The following RAB44 variants were observed in gnomAD, a reference collection of about 807,000 sequenced individuals.
RAB44 encodes ras-related protein Rab-44.
Under a neutral mutation model 93.3 loss-of-function variants are expected in RAB44, and 67 were observed. The ratio of observed to expected loss-of-function variants is 0.72; its 90% CI spans 0.59 to 0.88. The LOEUF (loss-of-function observed/expected upper bound fraction) is 0.88. Ranked by LOEUF, RAB44 falls within the 40% of genes least tolerant of loss-of-function variation. The pLI, the probability that RAB44 is intolerant of heterozygous loss-of-function variation, is 0.00. For missense variants in RAB44, 1,064 were observed against 1,261.7 expected (o/e 0.84, Z 2.37); for synonymous variants, 427 against 520.3 (o/e 0.82, Z 2.44).
At chr6:36,719,177 C>A (rs1328269320) in intron 7 of RAB44, among the ~76,000 whole-genome samples, 1 of 152,192 alleles carries the variant, frequency 6.6e-6, no homozygotes, top group Non-Finnish European at 1.5e-5. Context: ...CCTTTCTCAA[C>A]TTGAAGACCA....
At chr6:36,705,813 TACAA>T (rs1359603719) in intron 2 of RAB44, among the ~76,000 whole-genome samples, 1 of 152,134 alleles carries the variant, frequency 6.6e-6, no homozygotes, top group African/African-American at 2.4e-5. Context: ...GAATTTGCCC[TACAA>T]ACAGAGACAG....
chr6:36,708,962 T>G (rs529877434), intron 2 of RAB44, among the ~76,000 whole-genome samples: 6 of 152,224 alleles, frequency 3.9e-5, no homozygotes, highest in Non-Finnish European at 8.8e-5. Context: ...TTATTATCAT[T>G]TGAGACAGTT....
chr6:36,704,511 T>C (rs1407796422), intron 2 of RAB44, 69 bp downstream of exon 2: 9 of 1,436,486 alleles, frequency 6.3e-6, no homozygotes, highest in Non-Finnish European at 8.5e-6. Context: ...CTCTCCCCCA[T>C]CACAGGAAGG....
At chr6:36,720,649 C>A in intron 8 of RAB44, 99 bp downstream of exon 8, 1 of 874,518 alleles carries the variant, frequency 1.1e-6, no homozygotes, top group Non-Finnish European at 1.5e-6. Flanking sequence ...GCACACAGTG[C>A]ACACATAGAC....
In RAB44 at chr6:36,704,230, C is replaced by T. The variant is rs747086126; in HGVS notation, c.-6C>T. The T allele has an allele frequency of 1.2e-5, 19 of 1,535,406 alleles. No homozygotes were observed. The highest frequency in any genetic ancestry group is 3.9e-5 in the Admixed American group (2 of 50,962). ...CTCACTCCTCTGTCCCCAGGGCCAACGCACCATGGAGACTGGACAGAGAAC... is the reference window on the plus strand; with the variant it reads ...CTCACTCCTCTGTCCCCAGGGCCAATGCACCATGGAGACTGGACAGAGAAC... On this transcript the variant is annotated 5_prime_UTR_variant, in exon 2 of 14. It adds an upstream start codon to the 5' untranslated region. Coordinates refer to ENST00000612677, the MANE Select transcript of RAB44 (RefSeq NM_001257357.2).
At chr6:36,719,150 G>A (rs1225042655) in intron 7 of RAB44, among the ~76,000 whole-genome samples, 1 of 152,152 alleles carries the variant, frequency 6.6e-6, no homozygotes, top group African/African-American at 2.4e-5. Flanking sequence ...CTTGTGATCA[G>A]CGCCCCATTA....
At position 36,709,246 on chromosome 6, in the gene RAB44, A is replaced by C. The variant is rs1439808136; in HGVS notation, c.208-4582A>C. Among the ~76,000 whole-genome samples, 9 of 152,010 alleles carry C rather than the reference A, an allele frequency of 5.9e-5. No homozygotes were observed. The South Asian group carries it at 1.9e-3, about 32-fold the overall frequency. On this transcript the variant is annotated intron_variant, in intron 2 of 13. Transcript: ENST00000612677. The stretch of plus-strand genomic sequence containing the variant: ...GATTACAGGCATGAGCCACTGTGCC[A>C]AGCCTATTTATCATCAATTTTTAAG...
intron 10 of RAB44, 44 bp downstream of exon 10, chr6:36,725,987 C>A: frequency 2.7e-6 from 4 of 1,455,264 alleles, no homozygotes; most frequent in Admixed American, 3.9e-5. Flanking sequence ...CTAGGCTGAG[C>A]GTAGGGGTGC....
intron 2 of RAB44, among the ~76,000 whole-genome samples, chr6:36,706,493 C>G (rs77917312): frequency 0.087 from 13,203 of 152,164 alleles, 1,585 homozygotes; most frequent in African/African-American, 0.27. Context: ...CAATCCCTGT[C>G]GTTCCAGGCC....
chr6:36,718,640 T>G, intron 7 of RAB44, 52 bp downstream of exon 7: 5 of 875,102 alleles, frequency 5.7e-6, no homozygotes, highest in Non-Finnish European at 6.1e-6. Flanking sequence ...CTTTAATATC[T>G]ATGAACCTCA....
chr6:36,711,914 A>G (rs1012158024), intron 2 of RAB44, among the ~76,000 whole-genome samples: 1 of 151,190 alleles, frequency 6.6e-6, no homozygotes, highest in Non-Finnish European at 1.5e-5. Context: ...AAAAAAAAAA[A>G]AAGAGTTAAA....
At chr6:36,698,205 G>A (rs1327313928) in intron 1 of RAB44, among the ~76,000 whole-genome samples, 1 of 152,180 alleles carries the variant, frequency 6.6e-6, no homozygotes, top group Non-Finnish European at 1.5e-5. Flanking sequence ...GTGAGGATAA[G>A]TAGACTGGAA....
intron 1 of RAB44, among the ~76,000 whole-genome samples, chr6:36,703,022 G>A (rs960642040): frequency 1.3e-5 from 2 of 152,156 alleles, no homozygotes; most frequent in African/African-American, 4.8e-5. Flanking sequence ...TTGTACTACC[G>A]CAGATACCAT....
intron 1 of RAB44, among the ~76,000 whole-genome samples, chr6:36,701,296 A>T (rs1030858177): frequency 3.3e-5 from 5 of 152,070 alleles, no homozygotes; most frequent in Non-Finnish European, 7.4e-5. Flanking sequence ...TTTGATAGAG[A>T]TGGAGTTTCA....
intron 2 of RAB44, 140 bp from the exon 3 acceptor site, chr6:36,713,688 G>A: frequency 1.6e-6 from 1 of 641,712 alleles, no homozygotes; most frequent in Non-Finnish European, 2.8e-6. Flanking sequence ...TCAAGCTTAG[G>A]CCCTGGGTCA....
intron 8 of RAB44, among the ~76,000 whole-genome samples, chr6:36,720,844 A>C (rs904985990): frequency 1.3e-5 from 2 of 152,194 alleles, no homozygotes; most frequent in Non-Finnish European, 2.9e-5. Context: ...CACATGTCCT[A>C]GTGCAGTGCT....
In RAB44 at chr6:36,721,523, G is replaced by T. The variant is rs773307257; in HGVS notation, c.1389G>T (p.Pro463=). The T allele has an allele frequency of 2.4e-6, 3 of 1,234,362 alleles. No individual in the cohort carries two copies. The highest frequency in any genetic ancestry group is 4.2e-5 in the Admixed American group (1 of 23,704). 76.5% of individuals were successfully genotyped at this position (1,234,362 alleles called of 1,614,324 possible). Residue 463 remains proline, a synonymous_variant, in exon 9 of 14, where the codon CCG becomes CCT. Transcript: ENST00000612677. ...TTAGAGCAGAGCAGCCTGTTGAACC[G>T]CACGACCCGGACCCCAACCAGGAGC... ...QDIRAEQPVE[P]HDPDPNQEPG...
Position 36,721,910 on chromosome 6 carries a change from C to T in RAB44, c.1776C>T (p.Asp592=), listed in dbSNP as rs1245722066. 8.1e-7 allele frequency: 1 copy of T among 1,234,772 alleles called. No homozygotes were observed. The highest frequency in any genetic ancestry group is 1.0e-6 in the Non-Finnish European group (1 of 988,582). The allele number at this position is 1,234,772 out of a possible 1,614,324, so 76.5% of individuals were successfully genotyped here. A position where few individuals can be genotyped will look rare whatever the true frequency, so the allele number is the denominator to read the frequency against. The change falls in exon 9 of 14, where the codon GAC becomes GAT. Residue 592 remains aspartate (D), a synonymous_variant. Transcript: ENST00000612677. ...PPRQRDALQQ[D]LHATGSEPRL... is the part of the protein sequence containing the mutation. The stretch of plus-strand genomic sequence containing the variant: ...GGCAGAGAGATGCCCTCCAGCAGGA[C>T]CTGCATGCCACTGGCTCTGAGCCAA...
In RAB44 at chr6:36,728,652, A is replaced by T. The variant is rs559017888; in HGVS notation, c.2797-48A>T. The stretch of plus-strand genomic sequence containing the variant: ...CTTCTAGGAAGGCAAATGTGCCAGG[A>T]GCCTGGCACACAGTGGGTGTGGCTG... On this transcript the variant is annotated intron_variant, in intron 11 of 13. Transcript: ENST00000612677. The T allele has an allele frequency of 4.8e-6, 7 of 1,462,358 alleles. No homozygotes were observed. The African/African-American group carries it at 8.4e-5, about 18-fold the overall frequency. 90.6% of individuals were successfully genotyped at this position (1,462,358 alleles called of 1,614,324 possible). A position where few individuals can be genotyped will look rare whatever the true frequency, so the allele number is the denominator to read the frequency against.
Sources: gnomAD v4.1 joint callset for allele counts (sites outside exome capture counted in the v4.1 genomes callset) on GRCh38, gnomAD v4.1.1 for gene constraint, MANE v1.5 for transcripts, NCBI Gene and HGNC (gene_info 2026-07-23, HGNC 2026-07-21) for gene names.